SLC12A3: variants seen among roughly 807,000 people sequenced by gnomAD.
The protein encoded by SLC12A3 is Na-Cl cotransporter.
A neutral mutation model predicts 121.0 loss-of-function variants in SLC12A3; 104 were observed. The ratio of observed to expected loss-of-function variants is 0.86; its 90% confidence interval spans 0.73 to 1.01. SLC12A3 has a LOEUF of 1.01. Ranked by LOEUF, SLC12A3 falls within the 50% of genes least tolerant of loss-of-function variation. The pLI, the probability that SLC12A3 is intolerant of heterozygous loss-of-function variation, is 0.00. For synonymous variants in SLC12A3, 536 were observed against 533.4 expected (o/e 1.00, Z -0.07); for missense variants, 1,328 against 1,356.3 (o/e 0.98, Z 0.33).
rs957373573 is a variant in SLC12A3, at chr16:56,899,624, C to T, written c.2720+8C>T. On this transcript the variant is annotated splice_region_variant and intron_variant, in intron 23 of 25. Coordinates refer to ENST00000563236, the MANE Select transcript of SLC12A3 (RefSeq NM_001126108.2). The stretch of plus-strand genomic sequence containing the variant: ...GAACCCTCGGGCTGAGCAGTAAGTT[C>T]TGTTTTGGGGCTTCCAGGCAGAAGG... 1.9e-6 allele frequency: 3 copies of T among 1,609,108 alleles called. No homozygotes were observed. The highest frequency in any genetic ancestry group is 1.7e-4 in the Middle Eastern group (1 of 6,056).
Position 56,884,880 on chromosome 16 carries a change from C to T in SLC12A3, c.1826-385C>T, listed in dbSNP as rs566191986. Among the ~76,000 whole-genome samples, 14 of 152,268 alleles carry T rather than the reference C, an allele frequency of 9.2e-5. No individual in the cohort carries two copies. In the East Asian group the frequency reaches 2.3e-3, roughly 25 times the overall value. On this transcript the variant is annotated intron_variant, in intron 14 of 25. Transcript: ENST00000563236. ...CTCCCGGGTTCAAGCAATTCTCCTG[C>T]CTCAGCCTCCCGAGTAGCTGGGATT... is the stretch of plus-strand genomic sequence containing the variant.
chr16:56,903,538 TC>T (rs1180873037), intron 24 of SLC12A3, among the ~76,000 whole-genome samples: 2 of 152,142 alleles, frequency 1.3e-5, no homozygotes, highest in African/African-American at 2.4e-5. Context: ...CTGCCAAACA[TC>T]CTACGATGTG....
At chr16:56,904,533 C>A in intron 25 of SLC12A3, 71 bp downstream of exon 25, 1 of 1,441,846 alleles carries the variant, frequency 6.9e-7, no homozygotes, top group South Asian at 1.1e-5. Flanking sequence ...GGAAGGGGCT[C>A]AGCAGGGGCA....
intron 23 of SLC12A3, among the ~76,000 whole-genome samples, chr16:56,901,267 C>G (rs988097447): frequency 2.0e-5 from 3 of 152,052 alleles, no homozygotes; most frequent in Non-Finnish European, 2.9e-5. Context: ...TCCATTTACT[C>G]TGTCCCAGGT....
rs1319956113 is a variant in SLC12A3 at position 56,879,667 on chromosome 16, G to A, written c.1443+18G>A. ...TCTTCCAGGTGAGGCCGCAGAAAGG[G>A]GTCGAGATGACAGGGGGTGGGGAGC... On this transcript the variant is annotated intron_variant, in intron 11 of 25. Transcript: ENST00000563236. The A allele has an allele frequency of 4.4e-6, 7 of 1,589,062 alleles. No homozygotes were observed. The highest frequency in any genetic ancestry group is 6.0e-6 in the Non-Finnish European group (7 of 1,160,058).
At chr16:56,869,493 A>G (rs565342952) in intron 3 of SLC12A3, among the ~76,000 whole-genome samples, 9 of 152,100 alleles carry the variant, frequency 5.9e-5, no homozygotes, top group South Asian at 2.1e-4. Context: ...ATGCCTGGCT[A>G]ATTTTTGTAT....
intron 1 of SLC12A3, 101 bp from the exon 2 acceptor site, chr16:56,866,969 G>C: frequency 6.6e-7 from 1 of 1,514,072 alleles, no homozygotes; most frequent in South Asian, 1.1e-5. Flanking sequence ...GGGTCGGGGG[G>C]TGCTCGGTAT....
At chr16:56,894,999 G>A (rs8060907) in intron 22 of SLC12A3, among the ~76,000 whole-genome samples, 101,296 of 149,222 alleles carry the variant, frequency 0.68, 34,415 homozygotes, top group Middle Eastern at 0.75. Flanking sequence ...TTAAAGTTAA[G>A]AAAAGACAAG....
rs567724046 is a variant in SLC12A3 at position 56,868,152 on chromosome 16, C to G, written c.430-145C>G. 6 of 750,844 alleles carry G rather than the reference C, an allele frequency of 8.0e-6. No homozygotes were observed. In the African/African-American group the frequency reaches 1.0e-4, roughly 13 times the overall value. The allele number at this position is 750,844 out of a possible 1,614,324, so 46.5% of individuals were successfully genotyped here. On this transcript the variant is annotated intron_variant, in intron 2 of 25. Coordinates refer to ENST00000563236, the MANE Select transcript of SLC12A3 (RefSeq NM_001126108.2). ...CCCTCTTGCCCCATAGAACCAGACT[C>G]GGAACCTACTGAAGTGGGTGAAGAA... is the stretch of plus-strand genomic sequence containing the variant.
In SLC12A3 at chr16:56,915,775, A is replaced by T. The variant is rs1257763008; in HGVS notation, c.*2370A>T. ...TTTTTAACAATAGTAATAGCTTTGT[A>T]AAAAAATAAAAAGCTTTAACAGCGA... On this transcript the variant is annotated 3_prime_UTR_variant, in exon 26 of 26. Transcript: ENST00000563236. The T allele has an allele frequency of 6.6e-6, 1 of 152,220 alleles. No individual in the cohort carries two copies. The highest frequency in any genetic ancestry group is 1.5e-5 in the Non-Finnish European group (1 of 68,038). 9.4% of individuals were successfully genotyped at this position (152,220 alleles called of 1,614,324 possible).
At chr16:56,901,169 C>T (rs2055532729) in intron 23 of SLC12A3, among the ~76,000 whole-genome samples, 1 of 152,138 alleles carries the variant, frequency 6.6e-6, no homozygotes, top group African/African-American at 2.4e-5. Context: ...GGGGCCCTTC[C>T]TCCAGTTCGT....
At chr16:56,879,467 G>T (rs1417750946) in intron 10 of SLC12A3, 75 bp from the exon 11 acceptor site, 2 of 1,289,128 alleles carry the variant, frequency 1.6e-6, no homozygotes, top group Admixed American at 3.4e-5. Flanking sequence ...GCCCGCAGTA[G>T]GGAATGAAGT....
intron 18 of SLC12A3, among the ~76,000 whole-genome samples, chr16:56,890,017 GAGGAC>G (rs1349442522): frequency 1.1e-4 from 16 of 152,352 alleles, no homozygotes; most frequent in Admixed American, 6.5e-5. Context: ...AATGTATCAG[GAGGAC>G]AGGGCTGACT....
intron 8 of SLC12A3, among the ~76,000 whole-genome samples, chr16:56,875,451 A>G (rs2055153610): frequency 6.6e-6 from 1 of 152,198 alleles, no homozygotes; most frequent in South Asian, 2.1e-4. Context: ...TTACCATGAT[A>G]TAGACAAGCA....
chr16:56,880,199 C>A lies in SLC12A3; in HGVS notation c.1513C>A (p.Pro505Thr), dbSNP rs1486448470. Residue 505 changes from proline to threonine, a missense_variant, in exon 12 of 26, where the codon CCC becomes ACC. Pro to Thr is a conservative substitution (Grantham distance 38). Transcript: ENST00000563236. Reference sequence around the variant, plus strand: ...CAAAGGCTATGGCAAGAACAAGGAGCCCGTGCGTGGCTACCTGCTGGCCTA... The same window carrying A: ...CAAAGGCTATGGCAAGAACAAGGAGACCGTGCGTGGCTACCTGCTGGCCTA... ...FGKGYGKNKE[P>T]VRGYLLAYAI... The A allele has an allele frequency of 1.3e-6, 2 of 1,597,750 alleles. No individual in the cohort carries two copies. Among genetic ancestry groups the A allele is most frequent in the Non-Finnish European group, 1.7e-6 (2 of 1,173,058 alleles).
chr16:56,899,002 T>C (rs1379470272), intron 22 of SLC12A3, among the ~76,000 whole-genome samples: 2 of 152,136 alleles, frequency 1.3e-5, no homozygotes, highest in African/African-American at 4.8e-5. Context: ...ATGTGAAAAT[T>C]TGGGGTGCGC....
chr16:56,909,316 C>CA (rs113559082), intron 25 of SLC12A3, among the ~76,000 whole-genome samples: 9,120 of 131,706 alleles, frequency 0.069, 539 homozygotes, highest in African/African-American at 0.16. Context: ...AAAAAGAAAG[C>CA]AAAAAAAAAA....
At chr16:56,893,970 A>ATTTT (rs368942089) in intron 21 of SLC12A3, among the ~76,000 whole-genome samples, 118 of 86,262 alleles carry the variant, frequency 1.4e-3, no homozygotes, top group African/African-American at 2.4e-3. Context: ...TTTTATTTTT[A>ATTTT]TTTTATTTAT....
intron 8 of SLC12A3, among the ~76,000 whole-genome samples, chr16:56,873,299 T>C (rs2055122822): frequency 6.6e-6 from 1 of 151,910 alleles, no homozygotes; most frequent in East Asian, 1.9e-4. Flanking sequence ...CGCCTTTGCC[T>C]GTGCTGCGCT....
Sources: allele counts gnomAD v4.1 joint callset (sites outside exome capture counted in the v4.1 genomes callset), GRCh38; gene constraint gnomAD v4.1.1; transcripts MANE v1.5; gene names NCBI Gene and HGNC (gene_info 2026-07-23, HGNC 2026-07-21).